RALYL: variants seen among roughly 807,000 people sequenced by gnomAD.
The protein encoded by RALYL is RNA-binding Raly-like protein.
A neutral mutation model predicts 35.1 loss-of-function variants in RALYL; 29 were observed. The observed-to-expected ratio is 0.83, with a 90% CI of 0.61 to 1.13. The LOEUF is 1.13. Ranked by LOEUF, RALYL falls within the 50% of genes most tolerant of loss-of-function variation. RALYL has a pLI of 0.00. For synonymous variants in RALYL, 120 were observed against 127.6 expected (o/e 0.94, Z 0.40); for missense variants, 359 against 360.4 (o/e 1.00, Z 0.03).
chr8:84,470,237 TATAGAGGCA>T (rs1470653493), intron 1 of RALYL, among the ~76,000 whole-genome samples: 2 of 152,154 alleles, frequency 1.3e-5, no homozygotes, highest in African/African-American at 4.8e-5. Context: ...TTGCATAGAA[TATAGAGGCA>T]ATAACATTAA....
chr8:84,771,873 A>G (rs1815613698), intron 2 of RALYL, among the ~76,000 whole-genome samples: 1 of 152,114 alleles, frequency 6.6e-6, no homozygotes, highest in South Asian at 2.1e-4. Flanking sequence ...AGCAGAATTT[A>G]TCAATTTTGT....
intron 1 of RALYL, among the ~76,000 whole-genome samples, chr8:84,428,077 GTCTCTCTCTCTCTC>G (rs71271988): frequency 7.7e-6 from 1 of 129,326 alleles, no homozygotes; most frequent in East Asian, 2.3e-4. Flanking sequence ...CTTGCTCGCT[GTCTCTCTCTCTCTC>G]TCTCTCTCTC....
intron 4 of RALYL, among the ~76,000 whole-genome samples, chr8:84,820,902 G>A (rs1828374567): frequency 6.6e-6 from 1 of 152,088 alleles, no homozygotes; most frequent in Non-Finnish European, 1.5e-5. Flanking sequence ...GTCATATGTA[G>A]AATCAATACT....
chr8:84,383,234 T>G (rs774751691), intron 1 of RALYL, among the ~76,000 whole-genome samples: 11 of 151,806 alleles, frequency 7.2e-5, no homozygotes, highest in Non-Finnish European at 1.2e-4. Flanking sequence ...TCACTTTCAG[T>G]GTAAAACATT....
At chr8:84,439,804 TGTAA>T (rs890481394) in intron 1 of RALYL, among the ~76,000 whole-genome samples, 148 of 152,242 alleles carry the variant, frequency 9.7e-4, no homozygotes, top group African/African-American at 3.3e-3. Context: ...GAAAGGTGTT[TGTAA>T]GTGTGTTAAT....
At chr8:84,232,000 G>A (rs1825479124) in intron 1 of RALYL, among the ~76,000 whole-genome samples, 1 of 152,100 alleles carries the variant, frequency 6.6e-6, no homozygotes, top group South Asian at 2.1e-4. Context: ...CATGGAAAAG[G>A]CAGATTATTC....
chr8:84,720,585 A>AT (rs1843710073), intron 2 of RALYL, among the ~76,000 whole-genome samples: 1 of 152,184 alleles, frequency 6.6e-6, no homozygotes, highest in South Asian at 2.1e-4. Context: ...CTGGGCAAAG[A>AT]TTTTTTGAAC....
intron 2 of RALYL, among the ~76,000 whole-genome samples, chr8:84,727,396 A>C (rs1845169859): frequency 6.6e-6 from 1 of 152,154 alleles, no homozygotes; most frequent in South Asian, 2.1e-4. Context: ...CTGAATCAAA[A>C]AACAAAACAA....
chr8:84,397,417 T>A (rs2042448391), intron 1 of RALYL, among the ~76,000 whole-genome samples: 1 of 152,154 alleles, frequency 6.6e-6, no homozygotes, highest in South Asian at 2.1e-4. Flanking sequence ...TTGTGACAAT[T>A]TAACAAAATG....
intron 2 of RALYL, among the ~76,000 whole-genome samples, chr8:84,622,830 A>G (rs1821848890): frequency 2.0e-5 from 3 of 152,226 alleles, no homozygotes; most frequent in Admixed American, 2.0e-4. Context: ...CTGTGTCTCA[A>G]GATGTAAGAA....
intron 1 of RALYL, among the ~76,000 whole-genome samples, chr8:84,373,685 T>G (rs535448533): frequency 6.6e-6 from 1 of 152,100 alleles, no homozygotes; most frequent in Non-Finnish European, 1.5e-5. Context: ...TGCATAGGAT[T>G]GCCTTGGCAA....
intron 2 of RALYL, among the ~76,000 whole-genome samples, chr8:84,699,108 C>T (rs2220426): frequency 0.29 from 44,079 of 151,846 alleles, 7,125 homozygotes; most frequent in African/African-American, 0.43. Context: ...TAAGTGTATA[C>T]ATCCTATTCT....
chr8:84,920,924 C>A lies in RALYL; in HGVS notation c.*13C>A. 7.0e-7 allele frequency: 1 copy of A among 1,438,170 alleles called. No individual in the cohort carries two copies. The highest frequency in any genetic ancestry group is 9.3e-7 in the Non-Finnish European group (1 of 1,077,446). 89.1% of individuals were successfully genotyped at this position (1,438,170 alleles called of 1,614,324 possible). On this transcript the variant is annotated 3_prime_UTR_variant, in exon 9 of 9. Coordinates refer to ENST00000521268, the MANE Select transcript of RALYL (RefSeq NM_173848.7). Reference sequence around the variant, plus strand: ...ACAGATAAAGTGATCTGAAATAACGCATGATGCCACAAAGCAGAAAAGAGA... The same window carrying A: ...ACAGATAAAGTGATCTGAAATAACGAATGATGCCACAAAGCAGAAAAGAGA...
chr8:84,653,152 T>A (rs1829203432), intron 2 of RALYL, among the ~76,000 whole-genome samples: 1 of 152,078 alleles, frequency 6.6e-6, no homozygotes, highest in Admixed American at 6.6e-5. Flanking sequence ...ACATGCTTTC[T>A]TTAGAAAGAA....
chr8:84,336,953 A>C (rs895274514), intron 1 of RALYL, among the ~76,000 whole-genome samples: 10 of 151,396 alleles, frequency 6.6e-5, no homozygotes, highest in African/African-American at 2.2e-4. Flanking sequence ...GTTTAAATAT[A>C]AGATGGAAAT....
At chr8:84,530,926 C>T (rs1387160752) in intron 2 of RALYL, among the ~76,000 whole-genome samples, 1 of 152,168 alleles carries the variant, frequency 6.6e-6, no homozygotes, top group Non-Finnish European at 1.5e-5. Context: ...GCTATTCCCT[C>T]TGCTCAGACA....
intron 1 of RALYL, among the ~76,000 whole-genome samples, chr8:84,331,717 A>AAAGCAGGTCAGTATATAATTGTCTT (rs375629223): frequency 1.6e-3 from 237 of 152,260 alleles, no homozygotes; most frequent in African/African-American, 5.3e-3. Flanking sequence ...AGCAGTGCAT[A>AAAGCAGGTCAGTATATAATTGTCTT]AAGCAGGTCA....
intron 1 of RALYL, among the ~76,000 whole-genome samples, chr8:84,425,783 CTGTGTGTGTGTGTGTG>C (rs1554662152): frequency 3.5e-5 from 5 of 144,598 alleles, no homozygotes; most frequent in Admixed American, 6.9e-5. Flanking sequence ...AGTTTTTCTT[CTGTGTGTGTGTGTGTG>C]TGTGTGTGTG....
At chr8:84,381,477 C>T (rs1268439993) in intron 1 of RALYL, among the ~76,000 whole-genome samples, 1 of 151,870 alleles carries the variant, frequency 6.6e-6, no homozygotes, top group Admixed American at 6.6e-5. Context: ...TACTCCATTA[C>T]TTAACCTATT....
Sources: allele counts gnomAD v4.1 joint callset (sites outside exome capture counted in the v4.1 genomes callset), GRCh38; gene constraint gnomAD v4.1.1; transcripts MANE v1.5; gene names NCBI Gene and HGNC (gene_info 2026-07-23, HGNC 2026-07-21).